The following HS6ST3 variants were observed in gnomAD, a reference collection of about 807,000 sequenced individuals.
HS6ST3 encodes heparan-sulfate 6-O-sulfotransferase 3.
A neutral mutation model predicts 36.7 loss-of-function variants in HS6ST3; 12 were observed. The observed-to-expected ratio is 0.33, with a 90% CI of 0.21 to 0.53. HS6ST3 has a LOEUF of 0.53. Ranked by LOEUF, HS6ST3 falls within the 20% of genes least tolerant of loss-of-function variation. The pLI is 0.95. For missense variants in HS6ST3, 584 were observed against 640.9 expected (o/e 0.91, Z 0.96); for synonymous variants, 240 against 257.5 (o/e 0.93, Z 0.65).
At chr13:96,563,720 G>A (rs918748254) in intron 1 of HS6ST3, among the ~76,000 whole-genome samples, 1 of 152,106 alleles carries the variant, frequency 6.6e-6, no homozygotes, top group African/African-American at 2.4e-5. Context: ...CTTGCTAATG[G>A]CCATGTTGTG....
chr13:96,293,521 ACT>A (rs2054840174), intron 1 of HS6ST3, among the ~76,000 whole-genome samples: 1 of 152,018 alleles, frequency 6.6e-6, no homozygotes, highest in Admixed American at 6.6e-5. Flanking sequence ...ATGTACATAA[ACT>A]CACACACAGA....
intron 1 of HS6ST3, among the ~76,000 whole-genome samples, chr13:96,353,053 T>A (rs1207992643): frequency 7.3e-6 from 1 of 136,392 alleles, no homozygotes; most frequent in Admixed American, 7.1e-5. Context: ...ATTCTTTTTT[T>A]TTTTTTTTTT....
intron 1 of HS6ST3, among the ~76,000 whole-genome samples, chr13:96,499,897 G>A (rs955259043): frequency 9.2e-5 from 14 of 152,178 alleles, no homozygotes; most frequent in Non-Finnish European, 1.3e-4. Flanking sequence ...ATGATCTGAC[G>A]TCAGTGTTTT....
chr13:96,403,301 G>T (rs906338183), intron 1 of HS6ST3, among the ~76,000 whole-genome samples: 1 of 152,116 alleles, frequency 6.6e-6, no homozygotes, highest in Non-Finnish European at 1.5e-5. Context: ...TGTATGTACA[G>T]CCCATTTATG....
intron 1 of HS6ST3, among the ~76,000 whole-genome samples, chr13:96,265,780 G>A (rs1326144775): frequency 6.6e-6 from 1 of 152,106 alleles, no homozygotes; most frequent in Non-Finnish European, 1.5e-5. Context: ...TTACTCATTT[G>A]GATGATAAAA....
rs190289451 is a variant in HS6ST3, at chr13:96,829,506, A to G, written c.708-2984A>G. On this transcript the variant is annotated intron_variant, in intron 1 of 1. Coordinates refer to ENST00000376705, the MANE Select transcript of HS6ST3 (RefSeq NM_153456.4). ...CACCCCCCAACTTCTGATAGGCCCC[A>G]GTGTCTGTTGTTCCCGTCTATGTGT... 5.8e-3 allele frequency among the ~76,000 whole-genome samples: 880 copies of G among 151,980 alleles called. 6 individuals carry two copies. Among genetic ancestry groups the G allele is most frequent in the African/African-American group, 0.019 (808 of 41,462 alleles).
chr13:96,708,451 G>A (rs1875481971), intron 1 of HS6ST3, among the ~76,000 whole-genome samples: 1 of 152,132 alleles, frequency 6.6e-6, no homozygotes, highest in Non-Finnish European at 1.5e-5. Context: ...TCTTACAGAG[G>A]GAGGTCGGAA....
At chr13:96,763,399 G>A (rs547575334) in intron 1 of HS6ST3, among the ~76,000 whole-genome samples, 46 of 150,878 alleles carry the variant, frequency 3.0e-4, no homozygotes, top group African/African-American at 1.1e-3. Context: ...GCTGAAGCAC[G>A]AGAATCACTT....
At chr13:96,560,884 T>C (rs886669539) in intron 1 of HS6ST3, among the ~76,000 whole-genome samples, 4 of 152,142 alleles carry the variant, frequency 2.6e-5, no homozygotes, top group Non-Finnish European at 5.9e-5. Context: ...AAAGAAATCA[T>C]AGATTACCCA....
intron 1 of HS6ST3, among the ~76,000 whole-genome samples, chr13:96,153,060 G>A (rs967649116): frequency 1.4e-4 from 21 of 152,110 alleles, no homozygotes; most frequent in Admixed American, 1.3e-4. Flanking sequence ...GCTTTTACCA[G>A]TTCCTTCATT....
chr13:96,722,940 G>A (rs995287968), intron 1 of HS6ST3, among the ~76,000 whole-genome samples: 1 of 151,952 alleles, frequency 6.6e-6, no homozygotes, highest in Non-Finnish European at 1.5e-5. Context: ...TCGTGCCACT[G>A]CACTCCAGCC....
chr13:96,451,811 A>G (rs1388378784), intron 1 of HS6ST3, among the ~76,000 whole-genome samples: 1 of 152,224 alleles, frequency 6.6e-6, no homozygotes, highest in African/African-American at 2.4e-5. Context: ...AAATGTACAG[A>G]AAAGGAAATT....
At chr13:96,785,386 A>C (rs1877623115) in intron 1 of HS6ST3, among the ~76,000 whole-genome samples, 1 of 151,906 alleles carries the variant, frequency 6.6e-6, no homozygotes, top group South Asian at 2.1e-4. Flanking sequence ...ATGAAGAAAT[A>C]ACTCAGATCA....
intron 1 of HS6ST3, among the ~76,000 whole-genome samples, chr13:96,473,489 C>A (rs187700011): frequency 4.8e-4 from 73 of 152,286 alleles, no homozygotes; most frequent in Non-Finnish European, 6.8e-4. Flanking sequence ...GTTTGACACA[C>A]ACCTGATTGC....
rs1327209312 is a variant in HS6ST3 at position 96,118,725 on chromosome 13, A to G, written c.707+27156A>G. 5.0e-5 allele frequency among the ~76,000 whole-genome samples: 4 copies of G among 80,158 alleles called. No homozygotes were observed. The East Asian group carries it at 1.2e-3, about 25-fold the overall frequency. 52.6% of individuals were successfully genotyped at this position (80,158 alleles called of 152,430 possible). A position where few individuals can be genotyped will look rare whatever the true frequency, so the allele number is the denominator to read the frequency against. ...TTTTTTTTTTTTTTTTTTTTTTGAG[A>G]CGGAGTCTCGCTCTGTCGCCCAGGC... On this transcript the variant is annotated intron_variant, in intron 1 of 1. Coordinates refer to ENST00000376705, the MANE Select transcript of HS6ST3 (RefSeq NM_153456.4).
In HS6ST3 at chr13:96,781,142, C is replaced by G. The variant is rs531351871; in HGVS notation, c.708-51348C>G. On this transcript the variant is annotated intron_variant, in intron 1 of 1. Transcript: ENST00000376705. ...CCCCCATTTTCCTTGTGGAGATACTCTCTTCTTCCTGCCCTTTACAGAGCA... is the reference window on the plus strand; with the variant it reads ...CCCCCATTTTCCTTGTGGAGATACTGTCTTCTTCCTGCCCTTTACAGAGCA... Among the ~76,000 whole-genome samples the G allele has an allele frequency of 5.9e-5, 9 of 152,284 alleles. No homozygotes were observed. The South Asian group carries it at 1.9e-3, about 32-fold the overall frequency.
At chr13:96,803,717 G>A (rs1878135705) in intron 1 of HS6ST3, among the ~76,000 whole-genome samples, 1 of 152,146 alleles carries the variant, frequency 6.6e-6, no homozygotes, top group African/African-American at 2.4e-5. Context: ...TGAGAGTGGG[G>A]AGGCAAAAGG....
intron 1 of HS6ST3, among the ~76,000 whole-genome samples, chr13:96,378,388 G>A (rs1474460703): frequency 6.6e-6 from 1 of 152,102 alleles, no homozygotes; most frequent in Non-Finnish European, 1.5e-5. Flanking sequence ...GGCTTGTAGA[G>A]GGCCTTTTAG....
At chr13:96,657,364 C>T (rs2056629375) in intron 1 of HS6ST3, among the ~76,000 whole-genome samples, 1 of 151,888 alleles carries the variant, frequency 6.6e-6, no homozygotes. Context: ...AGTTTGAGAC[C>T]AGCCTGGGCA....
Sources: allele counts gnomAD v4.1 joint callset (sites outside exome capture counted in the v4.1 genomes callset), GRCh38; gene constraint gnomAD v4.1.1; transcripts MANE v1.5; gene names NCBI Gene and HGNC (gene_info 2026-07-23, HGNC 2026-07-21).